The following RPL5 variants were observed in gnomAD, a reference collection of about 807,000 sequenced individuals.
The protein encoded by RPL5 is large ribosomal subunit protein uL18.
A neutral mutation model predicts 38.4 loss-of-function variants in RPL5; 1 was observed. That is an observed-to-expected ratio of 0.03 (90% CI 0.01 to 0.12). The LOEUF is 0.12. Ranked by LOEUF, RPL5 falls within the 10% of genes least tolerant of loss-of-function variation. RPL5 has a pLI of 1.00. For synonymous variants in RPL5, 109 were observed against 121.2 expected, an observed-to-expected ratio of 0.90 and a Z score of 0.66; for missense variants, 243 against 374.1, an observed-to-expected ratio of 0.65 and a Z score of 2.89.
At chr1:92,832,000 C>A (rs184590739), upstream of RPL5, 2,644 of 1,516,086 alleles carry the variant, frequency 1.7e-3, 37 homozygotes, top group African/African-American at 0.03. Context: ...ACTGGCGTGA[C>A]CGTCCGCGCT....
intron 4 of RPL5, chr1:92,835,228 C>T (rs1221571116): frequency 2.3e-6 from 1 of 432,786 alleles, no homozygotes; most frequent in Admixed American, 3.5e-5. Flanking sequence ...CAATGAAGAC[C>T]CTTGCTACTT....
chr1:92,833,291 C>G, intron 1 of RPL5, 98 bp from the exon 2 acceptor site: 1 of 992,938 alleles, frequency 1.0e-6, no homozygotes, highest in South Asian at 1.4e-5. Flanking sequence ...TCTGTTTACT[C>G]TTGAAGTTCA....
rs759522508 is a variant in RPL5, at chr1:92,832,073, AGGTCTCTGTCGAGCAGCGGACGCC to A, written c.-32_-9del. The A allele has an allele frequency of 5.0e-6, 8 of 1,613,638 alleles. No individual in the cohort carries two copies. The highest frequency in any genetic ancestry group is 1.3e-5 in the African/African-American group (1 of 75,054). On this transcript the variant is annotated 5_prime_UTR_variant, in exon 1 of 8. Transcript: ENST00000370321. ...CACCCCCTAGCGCCGCTGGGCCTGC[AGGTCTCTGTCGAGCAGCGGACGCC>A]GGTCTCTGTTCCGCAGGATGGTGAG... is the stretch of plus-strand genomic sequence containing the variant.
chr1:92,837,406 TA>T lies in RPL5; in HGVS notation c.528-47del, dbSNP rs752598659. 22 of 1,501,902 alleles carry T rather than the reference TA, an allele frequency of 1.5e-5. No homozygotes were observed. In the East Asian group the frequency reaches 3.2e-4, roughly 22 times the overall value. The allele number at this position is 1,501,902 out of a possible 1,614,324, so 93.0% of individuals were successfully genotyped here. A position where few individuals can be genotyped will look rare whatever the true frequency, so the allele number is the denominator to read the frequency against. On this transcript the variant is annotated intron_variant, in intron 5 of 7. Coordinates refer to ENST00000370321, the MANE Select transcript of RPL5 (RefSeq NM_000969.5). ...AGCTACTAAAGTAAATTCTTACTAG[TA>T]AACTAAGTTAAGTGAGTCTATACTA...
chr1:92,835,031 T>TAG, intron 4 of RPL5, 118 bp downstream of exon 4: 1 of 1,434,772 alleles, frequency 7.0e-7, no homozygotes. Flanking sequence ...AGTGCTTGCT[T>TAG]CCAGTTTTCT....
At chr1:92,835,349 C>G in intron 4 of RPL5, 2 of 247,254 alleles carry the variant, frequency 8.1e-6, no homozygotes, top group Non-Finnish European at 1.6e-5. Flanking sequence ...GATTTATATG[C>G]ACATTAAAAC....
At position 92,832,049 on chromosome 1, in the gene RPL5, A is replaced by T; in HGVS notation, c.-66A>T. The T allele has an allele frequency of 1.2e-6, 2 of 1,608,820 alleles. No individual in the cohort carries two copies. Among genetic ancestry groups the T allele is most frequent in the Non-Finnish European group, 1.7e-6 (2 of 1,178,024 alleles). On this transcript the variant is annotated 5_prime_UTR_variant, in exon 1 of 8. Transcript: ENST00000370321. ...GCGCAAGGGCTGTGGCCCTTTTCCC[A>T]CCCCCTAGCGCCGCTGGGCCTGCAG...
At chr1:92,836,075 G>A in intron 4 of RPL5, 115 bp from the exon 5 acceptor site, 1 of 937,918 alleles carries the variant, frequency 1.1e-6, no homozygotes, top group Admixed American at 1.7e-5. Flanking sequence ...GGTGGGTGTG[G>A]AAGGAAATTT....
At chr1:92,839,050 T>C (rs180891182) in intron 6 of RPL5, among the ~76,000 whole-genome samples, 3,138 of 150,036 alleles carry the variant, frequency 0.021, 46 homozygotes, top group Non-Finnish European at 0.027. Flanking sequence ...TTTTTTTTTT[T>C]CAGTGAGTTT....
chr1:92,840,822 T>C, intron 7 of RPL5, 183 bp downstream of exon 7: 1 of 718,562 alleles, frequency 1.4e-6, no homozygotes, highest in Non-Finnish European at 2.6e-6. Context: ...CAGACACTAC[T>C]GAGGTGGTTC....
Position 92,837,551 on chromosome 1 carries a change from T to C in RPL5, c.623T>C (p.Met208Thr). 1.2e-6 allele frequency: 2 copies of C among 1,612,146 alleles called. No homozygotes were observed. Among genetic ancestry groups the C allele is most frequent in the African/African-American group, 1.3e-5 (1 of 74,992 alleles). ...HIMGQNVADY[M>T]RYLMEEDEDA... ...ATGGGCCAGAATGTTGCAGATTACA[T>C]GCGCTACTTAATGGAAGAAGATGAA... Residue 208 changes from methionine to threonine, a missense_variant, in exon 6 of 8, where the codon ATG (methionine) becomes ACG (threonine). Transcript: ENST00000370321.
At position 92,832,063 on chromosome 1, in the gene RPL5, C is replaced by G. The variant is rs143326916; in HGVS notation, c.-52C>G. ...GCCCTTTTCCCACCCCCTAGCGCCG[C>G]TGGGCCTGCAGGTCTCTGTCGAGCA... On this transcript the variant is annotated 5_prime_UTR_variant, in exon 1 of 8. Coordinates refer to ENST00000370321, the MANE Select transcript of RPL5 (RefSeq NM_000969.5). 4.0e-4 allele frequency: 643 copies of G among 1,613,004 alleles called. 6 individuals carry two copies. In the African/African-American group the frequency reaches 7.7e-3, roughly 19 times the overall value.
At chr1:92,840,714 T>G (rs769038018) in intron 7 of RPL5, 75 bp downstream of exon 7, 2 of 1,089,890 alleles carry the variant, frequency 1.8e-6, no homozygotes, top group Non-Finnish European at 2.8e-6. Context: ...ACTGTTGGTG[T>G]AATTGTGCAA....
intron 4 of RPL5, among the ~76,000 whole-genome samples, 168 bp from the exon 5 acceptor site, chr1:92,836,022 A>T (rs1477637097): frequency 1.3e-5 from 2 of 152,108 alleles, no homozygotes; most frequent in South Asian, 2.1e-4. Context: ...TTTTTTTTTT[A>T]AATAGCATTT....
At chr1:92,837,154 G>T in intron 5 of RPL5, 1 of 492,114 alleles carries the variant, frequency 2.0e-6, no homozygotes, top group Non-Finnish European at 3.8e-6. Context: ...AGGATTTAGA[G>T]TATAAGTTTT....
intron 6 of RPL5, 49 bp from the exon 7 acceptor site, chr1:92,840,502 T>G: frequency 7.5e-7 from 1 of 1,326,690 alleles, no homozygotes; most frequent in Non-Finnish European, 1.1e-6. Flanking sequence ...ATTAATATAG[T>G]AGGGCACATG....
intron 1 of RPL5, 193 bp downstream of exon 1, chr1:92,832,310 G>A (rs1370492017): frequency 2.4e-6 from 2 of 847,050 alleles, no homozygotes; most frequent in East Asian, 2.7e-5. Flanking sequence ...TTGGGGGGAG[G>A]GGTTGGCGAA....
At position 92,832,485 on chromosome 1, in the gene RPL5, G is replaced by GT. The variant is rs994254413; in HGVS notation, c.3+368_3+369insT. Among the ~76,000 whole-genome samples the GT allele has an allele frequency of 3.0e-3, 459 of 152,164 alleles. 3 individuals are homozygous for GT. The highest frequency in any genetic ancestry group is 0.01 in the African/African-American group (430 of 41,428). ...CCTAGCTGGGGAACGCCAGAATGGAGGGGGGCTGCAGGTCCTCGGGTCCCA... is the reference window on the plus strand; with the variant it reads ...CCTAGCTGGGGAACGCCAGAATGGAGTGGGGGCTGCAGGTCCTCGGGTCCCA... On this transcript the variant is annotated intron_variant, in intron 1 of 7. Transcript: ENST00000370321.
chr1:92,835,018 G>C, intron 4 of RPL5, 105 bp downstream of exon 4: 1 of 1,512,194 alleles, frequency 6.6e-7, no homozygotes, highest in Non-Finnish European at 9.1e-7. Flanking sequence ...TGTGCTTCAG[G>C]AGAGTGCTTG....
Sources: allele counts gnomAD v4.1 joint callset (sites outside exome capture counted in the v4.1 genomes callset), GRCh38; gene constraint gnomAD v4.1.1; transcripts MANE v1.5; gene names NCBI Gene and HGNC (gene_info 2026-07-23, HGNC 2026-07-21).